Variants in CPEB3 observed in about 807,000 individuals in gnomAD.
The protein encoded by CPEB3 is cytoplasmic polyadenylation element-binding protein 3.
A neutral mutation model predicts 67.2 loss-of-function variants in CPEB3; 20 were observed. The observed-to-expected ratio is 0.30, with a 90% CI of 0.21 to 0.43. CPEB3 has a LOEUF of 0.43. Ranked by LOEUF, CPEB3 falls within the 20% of genes least tolerant of loss-of-function variation. The probability of loss-of-function intolerance (pLI) is 1.00; values close to 1 mark genes in which losing one functional copy is unlikely to be tolerated. For synonymous variants in CPEB3, 376 were observed against 393.1 expected, an observed-to-expected ratio of 0.96 and a Z score of 0.51; for missense variants, 746 against 968.6, an observed-to-expected ratio of 0.77 and a Z score of 3.05.
At chr10:92,223,880 C>G (rs549034935) in intron 2 of CPEB3, among the ~76,000 whole-genome samples, 6 of 152,084 alleles carry the variant, frequency 3.9e-5, no homozygotes, top group African/African-American at 1.4e-4. Flanking sequence ...TCCTGAGTAG[C>G]TGGGATTACA....
chr10:92,239,273 T>C lies in CPEB3; in HGVS notation c.1005+73A>G. On this transcript the variant is annotated intron_variant, in intron 2 of 9. Coordinates refer to ENST00000265997, the MANE Select transcript of CPEB3 (RefSeq NM_014912.5). The surrounding 1 kb of genome is among the most constrained non-coding windows in gnomAD (Gnocchi z 6.0). ...CCCTTTTTAAATATAAGCGGGTGGA[T>C]GATTAAAAGTCAGAGAAGTGGCAAA... 2 of 1,492,654 alleles carry C rather than the reference T, an allele frequency of 1.3e-6. No individual in the cohort carries two copies. Among genetic ancestry groups the C allele is most frequent in the Non-Finnish European group, 1.8e-6 (2 of 1,097,506 alleles). The allele number at this position is 1,492,654 out of a possible 1,614,324, so 92.5% of individuals were successfully genotyped here.
At chr10:92,204,043 A>G (rs907729795) in intron 2 of CPEB3, among the ~76,000 whole-genome samples, 1 of 151,980 alleles carries the variant, frequency 6.6e-6, no homozygotes, top group African/African-American at 2.4e-5. Context: ...AATCCCATGG[A>G]TTCCTGTCTT....
Position 92,239,780 on chromosome 10 carries a change from G to A in CPEB3, c.571C>T (p.Arg191Cys). 7.1e-7 allele frequency: 1 copy of A among 1,407,260 alleles called. No homozygotes were observed. Among genetic ancestry groups the A allele is most frequent in the Middle Eastern group, 2.2e-4 (1 of 4,592 alleles). 87.2% of individuals were successfully genotyped at this position (1,407,260 alleles called of 1,614,324 possible). Residue 191 changes from arginine to cysteine, a missense_variant, in exon 2 of 10, where the codon CGC (arginine) becomes TGC (cysteine). Physicochemically the swap from Arg to Cys is radical, Grantham distance 180. This residue lies in a region of CPEB3 where 643 missense variants were observed against 717.5 expected (regional missense o/e 0.90). Coordinates refer to ENST00000265997, the MANE Select transcript of CPEB3 (RefSeq NM_014912.5). This position sits in a 1 kb window ranked among gnomAD's most constrained non-coding sequence, Gnocchi z 6.0. ...PPQAQPPQQR[R>C]SPASPSQAPY... ...GCCTGGCTGGGGCTGGCGGGTGAGCGGCGCTGCTGCGGGGGCTGCGCCTGT... is the reference window on the plus strand; with the variant it reads ...GCCTGGCTGGGGCTGGCGGGTGAGCAGCGCTGCTGCGGGGGCTGCGCCTGT...
chr10:92,267,624 CAGATTAGG>C (rs1853120455), intron 1 of CPEB3, among the ~76,000 whole-genome samples: 1 of 152,032 alleles, frequency 6.6e-6, no homozygotes, highest in Non-Finnish European at 1.5e-5. Context: ...GAAACAGAAA[CAGATTAGG>C]AGATTGGTTA....
chr10:92,290,783 C>T (rs1157895779), intron 1 of CPEB3, 143 bp downstream of exon 1: 1 of 152,522 alleles, frequency 6.6e-6, no homozygotes, highest in African/African-American at 2.4e-5. Flanking sequence ...GCCACCCCCA[C>T]TGCCGCCACT....
rs749967338 is a variant in CPEB3 at position 92,240,289 on chromosome 10, CGCTGCT to C, written c.56_61del (p.Gln19_Gln20del). On this transcript the variant is annotated inframe_deletion, in exon 2 of 10. Transcript: ENST00000265997. ...CTCAGGTTGGGGCTGCTGCTGCTGC[CGCTGCT>C]GCTGCTGGGGCTGGGGCTGGGTTTT... The C allele has an allele frequency of 7.3e-6, 11 of 1,514,884 alleles. No homozygotes were observed. Among genetic ancestry groups the C allele is most frequent in the African/African-American group, 1.4e-5 (1 of 71,456 alleles). The allele number at this position is 1,514,884 out of a possible 1,614,324, so 93.8% of individuals were successfully genotyped here.
intron 2 of CPEB3, among the ~76,000 whole-genome samples, chr10:92,194,088 G>A (rs1849116658): frequency 6.7e-6 from 1 of 150,142 alleles, no homozygotes. Flanking sequence ...GAGACACCGC[G>A]CCCGGCCTAC....
intron 1 of CPEB3, among the ~76,000 whole-genome samples, chr10:92,288,277 T>C (rs1325008033): frequency 1.3e-5 from 2 of 152,032 alleles, no homozygotes; most frequent in Non-Finnish European, 2.9e-5. Context: ...CTGGGCAACA[T>C]GGCAAAACAC....
At chr10:92,092,045 T>C (rs1843640461) in intron 7 of CPEB3, 101 bp from the exon 8 acceptor site, 1 of 751,960 alleles carries the variant, frequency 1.3e-6, no homozygotes, top group Non-Finnish European at 2.3e-6. Flanking sequence ...CATTTCACAA[T>C]GAACATGACC....
chr10:92,134,225 T>C (rs990400187), intron 6 of CPEB3, among the ~76,000 whole-genome samples: 4 of 152,170 alleles, frequency 2.6e-5, no homozygotes, highest in African/African-American at 9.6e-5. Context: ...GGAAGTCAAA[T>C]TGTCCCTGTT....
chr10:92,240,473 AT>A lies in CPEB3; in HGVS notation c.-11-113del, dbSNP rs1224222174. On this transcript the variant is annotated intron_variant, in intron 1 of 9. Coordinates refer to ENST00000265997, the MANE Select transcript of CPEB3 (RefSeq NM_014912.5). ...AATCCATCGCCACCGCTACTAGCCA[AT>A]TGCAATGCAAATCCATAATCTCCCA... 3 of 1,002,242 alleles carry A rather than the reference AT, an allele frequency of 3.0e-6. No individual in the cohort carries two copies. In the East Asian group the frequency reaches 8.8e-5, roughly 29 times the overall value. 62.1% of individuals were successfully genotyped at this position (1,002,242 alleles called of 1,614,324 possible). A position where few individuals can be genotyped will look rare whatever the true frequency, so the allele number is the denominator to read the frequency against.
Position 92,229,960 on chromosome 10 carries a change from T to C in CPEB3, c.1005+9386A>G, listed in dbSNP as rs190751233. ...ACTTGGGAGGCTGAGGCAGGAGAATTGCTTGAACCCAGGAGGCGGAGGTTG... is the reference window on the plus strand; with the variant it reads ...ACTTGGGAGGCTGAGGCAGGAGAATCGCTTGAACCCAGGAGGCGGAGGTTG... On this transcript the variant is annotated intron_variant, in intron 2 of 9. Coordinates refer to ENST00000265997, the MANE Select transcript of CPEB3 (RefSeq NM_014912.5). 3.6e-3 allele frequency among the ~76,000 whole-genome samples: 553 copies of C among 152,028 alleles called. 2 individuals are homozygous for C. The highest frequency in any genetic ancestry group is 0.013 in the African/African-American group (527 of 41,482).
chr10:92,112,410 G>A (rs932342838), intron 6 of CPEB3, among the ~76,000 whole-genome samples: 5 of 152,238 alleles, frequency 3.3e-5, no homozygotes, highest in Admixed American at 2.0e-4. Context: ...CTCCCAAAGT[G>A]CTGGGATTAC....
At chr10:92,110,288 T>C (rs1266762805) in intron 7 of CPEB3, among the ~76,000 whole-genome samples, 1 of 152,216 alleles carries the variant, frequency 6.6e-6, no homozygotes, top group Non-Finnish European at 1.5e-5. Context: ...CTCTGTGTCA[T>C]ATTTTTACTC....
chr10:92,157,068 T>C (rs1273742998), intron 4 of CPEB3, among the ~76,000 whole-genome samples: 1 of 152,242 alleles, frequency 6.6e-6, no homozygotes, highest in Non-Finnish European at 1.5e-5. Flanking sequence ...CAGATTGTGA[T>C]CTTGACTCTG....
chr10:92,118,123 A>AGTTTTGTTTT (rs546053410), intron 6 of CPEB3, among the ~76,000 whole-genome samples: 2 of 152,190 alleles, frequency 1.3e-5, no homozygotes, highest in African/African-American at 4.8e-5. Context: ...ACCATTTGAC[A>AGTTTTGTTTT]GTTTTGTTTT....
intron 1 of CPEB3, among the ~76,000 whole-genome samples, chr10:92,250,547 T>C (rs1852249318): frequency 6.6e-6 from 1 of 152,180 alleles, no homozygotes. Flanking sequence ...TACAGTAGTA[T>C]ATAGTAAAAT....
chr10:92,066,390 A>G (rs960151876), intron 9 of CPEB3, among the ~76,000 whole-genome samples: 3 of 152,138 alleles, frequency 2.0e-5, no homozygotes, highest in Admixed American at 1.3e-4. Flanking sequence ...TCCAAAAATA[A>G]ATAGATAGAC....
At chr10:92,180,467 C>G (rs556685960) in intron 4 of CPEB3, among the ~76,000 whole-genome samples, 1 of 152,322 alleles carries the variant, frequency 6.6e-6, no homozygotes, top group South Asian at 2.1e-4. Context: ...TGGTATACAG[C>G]AGGAGTTGGC....
Sources: gnomAD v4.1 joint callset for allele counts (sites outside exome capture counted in the v4.1 genomes callset) on GRCh38, gnomAD v4.1.1 for gene constraint, gnomAD v4.1.1 regional missense constraint, Gnocchi (gnomAD v3.1) non-coding constraint, MANE v1.5 for transcripts, NCBI Gene and HGNC (gene_info 2026-07-23, HGNC 2026-07-21) for gene names.